The following P4HA2 variants were observed in gnomAD, a reference collection of about 807,000 sequenced individuals.
P4HA2 encodes the protein prolyl 4-hydroxylase subunit alpha-2.
A neutral mutation model predicts 76.9 loss-of-function variants in P4HA2; 46 were observed. The ratio of observed to expected loss-of-function variants is 0.60; its 90% CI spans 0.47 to 0.76. The LOEUF is 0.76. Among genes scored for constraint, P4HA2 ranks in the 30% least tolerant of loss-of-function variants. The pLI is 0.00. For synonymous variants in P4HA2, 243 were observed against 254.0 expected (o/e 0.96, Z 0.41); for missense variants, 583 against 669.4 (o/e 0.87, Z 1.42).
intron 1 of P4HA2, among the ~76,000 whole-genome samples, chr5:132,222,477 C>T (rs1754779414): frequency 1.3e-5 from 2 of 152,236 alleles, no homozygotes; most frequent in African/African-American, 2.4e-5. Flanking sequence ...ACACTGGCCT[C>T]TCCACATGTC....
At chr5:132,197,894 T>C (rs1184978183) in intron 12 of P4HA2, 2 of 496,106 alleles carry the variant, frequency 4.0e-6, no homozygotes, top group Admixed American at 6.4e-5. Flanking sequence ...TGAATGTATT[T>C]AATACCACTG....
intron 1 of P4HA2, among the ~76,000 whole-genome samples, chr5:132,225,942 G>A (rs1231722225): frequency 6.6e-6 from 1 of 152,156 alleles, no homozygotes; most frequent in Admixed American, 6.5e-5. Flanking sequence ...TCCTTGCTAC[G>A]TGGCTTCATT....
chr5:132,192,970 T>A lies in P4HA2; in HGVS notation c.*40A>T, dbSNP rs1421114227. The A allele has an allele frequency of 7.7e-7, 1 of 1,304,654 alleles. No individual in the cohort carries two copies. Among genetic ancestry groups the A allele is most frequent in the South Asian group, 1.2e-5 (1 of 84,750 alleles). 80.8% of individuals were successfully genotyped at this position (1,304,654 alleles called of 1,614,324 possible). On this transcript the variant is annotated 3_prime_UTR_variant, in exon 15 of 15. Coordinates refer to ENST00000360568, the MANE Select transcript of P4HA2 (RefSeq NM_001017974.2). ...TACAAAGGTGTCTGTCACGTTGACA[T>A]GGGCTGAAGGACCAGGAAGGGGAAG...
rs1580693934 is a variant in P4HA2 at position 132,207,976 on chromosome 5, G to A, written c.904-92C>T. ...CTGCAGACACTGGACTCACCTCATG[G>A]CCAGCAGCTGCTCCCTCCCACCACA... is the stretch of plus-strand genomic sequence containing the variant. On this transcript the variant is annotated intron_variant, in intron 7 of 14. Coordinates refer to ENST00000360568, the MANE Select transcript of P4HA2 (RefSeq NM_001017974.2). 4.2e-6 allele frequency: 4 copies of A among 941,472 alleles called. No homozygotes were observed. The Admixed American group carries it at 7.6e-5, about 18-fold the overall frequency. The allele number at this position is 941,472 out of a possible 1,614,324, so 58.3% of individuals were successfully genotyped here.
intron 1 of P4HA2, among the ~76,000 whole-genome samples, chr5:132,220,352 T>C (rs536118421): frequency 6.6e-6 from 1 of 152,340 alleles, no homozygotes; most frequent in South Asian, 2.1e-4. Flanking sequence ...CTTCTGTATG[T>C]ATGTAGGGAG....
chr5:132,198,616 G>A (rs928145999), intron 11 of P4HA2, among the ~76,000 whole-genome samples: 11 of 152,162 alleles, frequency 7.2e-5, no homozygotes, highest in African/African-American at 2.7e-4. Flanking sequence ...TTAGAATCAG[G>A]GCAAAGGGTG....
chr5:132,190,894 G>A lies in P4HA2; in HGVS notation c.*2116C>T, dbSNP rs888799488. Among the ~76,000 whole-genome samples, 23 of 152,276 alleles carry A rather than the reference G, an allele frequency of 1.5e-4. No homozygotes were observed. Among genetic ancestry groups the A allele is most frequent in the African/African-American group, 5.3e-4 (22 of 41,550 alleles). The stretch of plus-strand genomic sequence containing the variant: ...TAATAACTAATAAACATGAAAAGTT[G>A]TTCAACATTATCAGTAATGTTCAAA... On this transcript the variant is annotated 3_prime_UTR_variant, in exon 15 of 15. Coordinates refer to ENST00000360568, the MANE Select transcript of P4HA2 (RefSeq NM_001017974.2).
chr5:132,209,915 G>A (rs1428754120), intron 6 of P4HA2, among the ~76,000 whole-genome samples: 1 of 152,118 alleles, frequency 6.6e-6, no homozygotes, highest in Non-Finnish European at 1.5e-5. Context: ...CACCGCTACT[G>A]TTTGTCACTG....
At chr5:132,217,548 G>A in intron 3 of P4HA2, 200 bp from the exon 4 acceptor site, 5 of 638,800 alleles carry the variant, frequency 7.8e-6, no homozygotes, top group Non-Finnish European at 5.6e-6. Flanking sequence ...CCAATGTAAG[G>A]GAAAAGGTCT....
Position 132,193,050 on chromosome 5 carries a change from TG to T in P4HA2, c.1561del (p.Gln521ArgfsTer4). 1 of 1,613,146 alleles carries T rather than the reference TG, an allele frequency of 6.2e-7. No individual in the cohort carries two copies. The highest frequency in any genetic ancestry group is 8.5e-7 in the Non-Finnish European group (1 of 1,179,090). Reference sequence around the variant, plus strand: ...TGATCCACAAGGTCTCAAGAACTCCTGTCCTCGTTCATGGAACCACTTATTG... The same window carrying T: ...TGATCCACAAGGTCTCAAGAACTCCTTCCTCGTTCATGGAACCACTTATTG... The part of the protein sequence containing the change: ...VSNKWFHERG[Q>X]EFLRPCGSTE... On this transcript the variant is annotated frameshift_variant, in exon 15 of 15. Coordinates refer to ENST00000360568, the MANE Select transcript of P4HA2 (RefSeq NM_001017974.2). LOFTEE classifies it high-confidence loss of function.
In P4HA2 at chr5:132,210,321, G is replaced by C. The variant is rs1402495205; in HGVS notation, c.672C>G (p.His224Gln). The part of the protein sequence containing the change: ...SYAVFQLGDL[H>Q]RALELTRRLL... ...GGCGGCGGGTGAGCTCCAGGGCACG[G>C]TGCAGATCACCCAACTGGAAGACAG... Residue 224 changes from histidine (H) to glutamine (Q), a missense_variant, in exon 6 of 15, where the codon CAC (histidine) becomes CAG (glutamine). His to Gln is a conservative substitution (Grantham distance 24). Coordinates refer to ENST00000360568, the MANE Select transcript of P4HA2 (RefSeq NM_001017974.2). 1 of 1,613,940 alleles carries C rather than the reference G, an allele frequency of 6.2e-7. No homozygotes were observed. The highest frequency in any genetic ancestry group is 1.7e-5 in the Admixed American group (1 of 59,996).
In P4HA2 at chr5:132,224,854, AC is replaced by A. The variant is rs145801431; in HGVS notation, c.-19+2935del. Among the ~76,000 whole-genome samples, 207 of 152,068 alleles carry A rather than the reference AC, an allele frequency of 1.4e-3. 1 individual carries two copies. Among genetic ancestry groups the A allele is most frequent in the African/African-American group, 4.8e-3 (200 of 41,452 alleles). ...GAGTGCCAGGTACAAAACAGGCCAC[AC>A]TCTAAGCAAGCACTTCCTGAAAGGT... is the stretch of plus-strand genomic sequence containing the variant. On this transcript the variant is annotated intron_variant, in intron 1 of 14. Transcript: ENST00000360568.
intron 5 of P4HA2, among the ~76,000 whole-genome samples, chr5:132,212,621 A>T (rs930373444): frequency 6.6e-6 from 1 of 152,200 alleles, no homozygotes. Flanking sequence ...GCATCCGTCT[A>T]CACTGGTTAG....
chr5:132,198,261 C>A (rs192638050), intron 12 of P4HA2, 60 bp downstream of exon 12: 1 of 1,614,216 alleles, frequency 6.2e-7, no homozygotes, highest in Non-Finnish European at 8.5e-7. Flanking sequence ...GAAAGTATCT[C>A]GCTCATCATT....
At chr5:132,221,533 C>T (rs1380705904) in intron 1 of P4HA2, among the ~76,000 whole-genome samples, 1 of 152,092 alleles carries the variant, frequency 6.6e-6, no homozygotes, top group East Asian at 1.9e-4. Flanking sequence ...TCTAAGCATA[C>T]TGTTAAGTGA....
chr5:132,211,077 AAC>A (rs1442816280), intron 5 of P4HA2, among the ~76,000 whole-genome samples: 2 of 152,188 alleles, frequency 1.3e-5, no homozygotes, highest in East Asian at 3.8e-4. Context: ...AGATAGGAGA[AAC>A]AGAGGGAGCG....
Position 132,209,291 on chromosome 5 carries a change from A to C in P4HA2, c.750T>G (p.Phe250Leu). 6.2e-7 allele frequency: 1 copy of C among 1,614,158 alleles called. No homozygotes were observed. Among genetic ancestry groups the C allele is most frequent in the Non-Finnish European group, 8.5e-7 (1 of 1,180,014 alleles). The change falls in exon 7 of 15, where the codon TTT becomes TTG. Residue 250 changes from phenylalanine (F) to leucine (L), a missense_variant. Physicochemically the swap from Phe to Leu is conservative, Grantham distance 22. Coordinates refer to ENST00000360568, the MANE Select transcript of P4HA2 (RefSeq NM_001017974.2). ...HERAGGNLRY[F>L]EQLLEEEREK... ...CTCTCTCTTCCTCCAATAACTGCTC[A>C]AAGTACCGCAGATTCCCTCCAGCTC...
Position 132,197,673 on chromosome 5 carries a change from T to TTGAG in P4HA2, c.1365+644_1365+647dup, listed in dbSNP as rs982395968. Reference sequence around the variant, plus strand: ...GAATATGCTACAACATGGATAAACCTTGAGGACATTATGCACCAGCCACAC... The same window carrying TTGAG: ...GAATATGCTACAACATGGATAAACCTTGAGTGAGGACATTATGCACCAGCCACAC... On this transcript the variant is annotated intron_variant, in intron 12 of 14. Transcript: ENST00000360568. 1.0e-3 allele frequency among the ~76,000 whole-genome samples: 152 copies of TTGAG among 148,992 alleles called. 2 individuals are homozygous for TTGAG. Among genetic ancestry groups the TTGAG allele is most frequent in the Non-Finnish European group, 3.1e-4 (21 of 67,450 alleles).
At chr5:132,197,731 T>G (rs1349537925) in intron 12 of P4HA2, among the ~76,000 whole-genome samples, 1 of 152,146 alleles carries the variant, frequency 6.6e-6, no homozygotes, top group African/African-American at 2.4e-5. Context: ...TGATTCCATT[T>G]ATTTAAGTAA....
Sources: gnomAD v4.1 joint callset for allele counts (sites outside exome capture counted in the v4.1 genomes callset) on GRCh38, gnomAD v4.1.1 for gene constraint, MANE v1.5 for transcripts, NCBI Gene and HGNC (gene_info 2026-07-23, HGNC 2026-07-21) for gene names.